ADCY4: variants seen among roughly 807,000 people sequenced by gnomAD.
ADCY4 encodes the protein adenylate cyclase 4.
In ADCY4, 111 loss-of-function variants were observed where a neutral mutation model predicts 125.5. That is an observed-to-expected ratio of 0.88 (90% CI 0.76 to 1.04). ADCY4 has a LOEUF of 1.04. ADCY4 is among the 50% of genes least tolerant of loss of function. The probability of loss-of-function intolerance (pLI) is 0.00; values close to 1 mark genes in which losing one functional copy is unlikely to be tolerated. For missense variants in ADCY4, 1,256 were observed against 1,382.9 expected (o/e 0.91, Z 1.46); for synonymous variants, 576 against 586.9 (o/e 0.98, Z 0.27).
intron 6 of ADCY4, 196 bp from the exon 7 acceptor site, chr14:24,330,491 A>T (rs1309717196): frequency 2.8e-6 from 2 of 710,438 alleles, no homozygotes; most frequent in Non-Finnish European, 4.4e-6. Flanking sequence ...TTCTCAGAAG[A>T]GTTTCCCCAA....
intron 17 of ADCY4, 123 bp from the exon 18 acceptor site, chr14:24,323,211 C>CCCAGTGTGTATCAGTGTGT: frequency 7.3e-7 from 1 of 1,373,452 alleles, no homozygotes; most frequent in Non-Finnish European, 1.0e-6. Context: ...GCATCATACA[C>CCCAGTGTGTATCAGTGTGT]ACTGATACAC....
At chr14:24,330,444 CTT>C in intron 6 of ADCY4, 149 bp from the exon 7 acceptor site, 2 of 1,049,288 alleles carry the variant, frequency 1.9e-6, no homozygotes, top group Non-Finnish European at 2.8e-6. Flanking sequence ...ACTCCTTTCA[CTT>C]GATATGGGGC....
Position 24,332,541 on chromosome 14 carries a change from C to G in ADCY4, c.500G>C (p.Arg167Pro). 6.4e-7 allele frequency: 1 copy of G among 1,570,354 alleles called. No individual in the cohort carries two copies. The highest frequency in any genetic ancestry group is 8.6e-7 in the Non-Finnish European group (1 of 1,157,900). Residue 167 changes from arginine to proline, a missense_variant, in exon 3 of 25, where the codon CGG becomes CCG. Physicochemically the swap from Arg to Pro is moderately radical, Grantham distance 103. Transcript: ENST00000418030. ...GCTCACCTGCGGCAGCAGTGCAGGC[C>G]GTGAGTCCGGCTGTGGCCCAAGATA... is the stretch of plus-strand genomic sequence containing the variant. ...GLYLGPQPDS[R>P]PALLPQLAAN...
In ADCY4 at chr14:24,319,488, C is replaced by G; in HGVS notation, c.2734-52G>C. On this transcript the variant is annotated intron_variant, in intron 21 of 24. Transcript: ENST00000418030. This position sits in a 1 kb window ranked among gnomAD's most constrained non-coding sequence, Gnocchi z 4.5. Reference sequence around the variant, plus strand: ...CAGTCTCTCTTACTCTCTCCATCACCTCTCCCAGAAGCCCAGCCCCAAGCC... The same window carrying G: ...CAGTCTCTCTTACTCTCTCCATCACGTCTCCCAGAAGCCCAGCCCCAAGCC... The G allele has an allele frequency of 6.4e-7, 1 of 1,570,470 alleles. No individual in the cohort carries two copies. Among genetic ancestry groups the G allele is most frequent in the Non-Finnish European group, 8.8e-7 (1 of 1,142,292 alleles).
chr14:24,328,861 G>T, intron 10 of ADCY4, 200 bp downstream of exon 10: 1 of 648,858 alleles, frequency 1.5e-6, no homozygotes, highest in Non-Finnish European at 2.6e-6. Context: ...AGGTGAGCTG[G>T]AGGGCTCTTT....
Position 24,331,039 on chromosome 14 carries a change from G to A in ADCY4, c.909C>T (p.Gly303=). The A allele has an allele frequency of 1.2e-6, 2 of 1,609,876 alleles. No homozygotes were observed. Among genetic ancestry groups the A allele is most frequent in the South Asian group, 1.1e-5 (1 of 90,924 alleles). ...ELVLMLNELF[G]KFDQIAKEHE... ...TGACCTTGGCAATCTGGTCGAACTT[G>A]CCAAAGAGCTCATTGAGCATGAGCA... The change falls in exon 6 of 25, where the codon GGC becomes GGT. Residue 303 remains glycine, a synonymous_variant. Transcript: ENST00000418030.
Position 24,332,567 on chromosome 14 carries a change from C to G in ADCY4, c.474G>C (p.Leu158=). 1 of 1,575,794 alleles carries G rather than the reference C, an allele frequency of 6.3e-7. No homozygotes were observed. The highest frequency in any genetic ancestry group is 8.6e-7 in the Non-Finnish European group (1 of 1,160,712). ...SSLSHLLVLG[L]YLGPQPDSRP... is the part of the protein sequence containing the mutation. ...GTGAGTCCGGCTGTGGCCCAAGATACAGCCCGAGGACCAGCAGATGCGAGA... is the reference window on the plus strand; with the variant it reads ...GTGAGTCCGGCTGTGGCCCAAGATAGAGCCCGAGGACCAGCAGATGCGAGA... Residue 158 remains leucine, a synonymous_variant, in exon 3 of 25, where the codon CTG becomes CTC. Coordinates refer to ENST00000418030, the MANE Select transcript of ADCY4 (RefSeq NM_001198568.2).
At chr14:24,330,432 G>C (rs1359153618) in intron 6 of ADCY4, 137 bp from the exon 7 acceptor site, 2 of 1,211,734 alleles carry the variant, frequency 1.7e-6, no homozygotes, top group Non-Finnish European at 2.3e-6. Context: ...TCAGATCTAG[G>C]GACTCCTTTC....
chr14:24,328,240 G>A (rs967557177), intron 10 of ADCY4, among the ~76,000 whole-genome samples: 1 of 140,312 alleles, frequency 7.1e-6, no homozygotes, highest in Admixed American at 7.1e-5. Context: ...GTGGGGGGGG[G>A]GGTCTCCCTT....
chr14:24,321,407 G>A (rs535631336), intron 20 of ADCY4, among the ~76,000 whole-genome samples: 2 of 151,372 alleles, frequency 1.3e-5, no homozygotes, highest in African/African-American at 2.4e-5. Flanking sequence ...CCTGAGCGAC[G>A]AGAGTGAAAC....
intron 10 of ADCY4, among the ~76,000 whole-genome samples, chr14:24,326,734 C>T (rs1018044497): frequency 2.0e-5 from 3 of 151,984 alleles, no homozygotes; most frequent in Admixed American, 1.3e-4. Context: ...GCTGGGATTA[C>T]AGGCATGTGC....
chr14:24,331,791 G>A lies in ADCY4; in HGVS notation c.666C>T (p.His222=). ...GACCTTCCTAGGCCCGGCTGACCTG[G>A]TGCTTCTTCTCGGTGTCCAGCCGCC... ...SRRRLDTEKK[H]QEHLLLSILP... The change falls in exon 4 of 25, where the codon CAC becomes CAT. Residue 222 remains histidine, a synonymous_variant. Coordinates refer to ENST00000418030, the MANE Select transcript of ADCY4 (RefSeq NM_001198568.2). 6.3e-7 allele frequency: 1 copy of A among 1,581,184 alleles called. No individual in the cohort carries two copies. The highest frequency in any genetic ancestry group is 8.6e-7 in the Non-Finnish European group (1 of 1,157,834).
rs1416063349 is a variant in ADCY4, at chr14:24,326,351, A to T, written c.1525-9T>A. The stretch of plus-strand genomic sequence containing the variant: ...GAAGCCAGGGTCTTCTCCTGTTGGG[A>T]GAGCACAGGGGGAGGTGGGCATGGT... On this transcript the variant is annotated splice_polypyrimidine_tract_variant and intron_variant, in intron 10 of 24. Transcript: ENST00000418030. 1.9e-6 allele frequency: 3 copies of T among 1,610,314 alleles called. No individual in the cohort carries two copies. The East Asian group carries it at 6.7e-5, about 36-fold the overall frequency.
intron 1 of ADCY4, among the ~76,000 whole-genome samples, 198 bp downstream of exon 1, chr14:24,334,296 G>A (rs530437044): frequency 6.6e-6 from 1 of 152,348 alleles, no homozygotes; most frequent in South Asian, 2.1e-4. Context: ...GAAGCATCCA[G>A]GACTCAGCTT....
intron 23 of ADCY4, 118 bp downstream of exon 23, chr14:24,318,980 A>G (rs1438127220): frequency 3.5e-6 from 5 of 1,411,988 alleles, no homozygotes; most frequent in Non-Finnish European, 4.9e-6. Flanking sequence ...CATCCCAGGG[A>G]GTGAGTCAGG....
At chr14:24,322,545 T>A in intron 19 of ADCY4, 79 bp downstream of exon 19, 1 of 1,476,774 alleles carries the variant, frequency 6.8e-7, no homozygotes, top group Non-Finnish European at 9.4e-7. Flanking sequence ...CATTCAACCC[T>A]GGAGATTAGA....
intron 20 of ADCY4, among the ~76,000 whole-genome samples, chr14:24,321,257 A>AT (rs56133120): frequency 0.72 from 108,079 of 150,776 alleles, 39,236 homozygotes; most frequent in Middle Eastern, 0.86. Context: ...CTAAAAAAAA[A>AT]AAATATAAAA....
At chr14:24,330,404 G>A in intron 6 of ADCY4, 109 bp from the exon 7 acceptor site, 3 of 1,503,686 alleles carry the variant, frequency 2.0e-6, no homozygotes, top group Non-Finnish European at 2.7e-6. Flanking sequence ...GAACTTCCAA[G>A]GTGGGGTAGT....
rs2139217842 is a variant in ADCY4, at chr14:24,329,450, G to T, written c.1301C>A (p.Pro434His). Residue 434 changes from proline to histidine, a missense_variant, in exon 9 of 25, where the codon CCC becomes CAC. Transcript: ENST00000418030. ...VEDAGMEHRDPYLRELGEPTY... is the reference protein window; with the variant it reads ...VEDAGMEHRDHYLRELGEPTY... Reference sequence around the variant, plus strand: ...AGGCTCCCCTAGCTCCCGAAGGTAGGGGTCCCGATGCTCCATGCCTGCGTC... The same window carrying T: ...AGGCTCCCCTAGCTCCCGAAGGTAGTGGTCCCGATGCTCCATGCCTGCGTC... 1 of 1,580,484 alleles carries T rather than the reference G, an allele frequency of 6.3e-7. No homozygotes were observed. Among genetic ancestry groups the T allele is most frequent in the Non-Finnish European group, 8.6e-7 (1 of 1,166,280 alleles).
Sources: allele counts gnomAD v4.1 joint callset (sites outside exome capture counted in the v4.1 genomes callset), GRCh38; gene constraint gnomAD v4.1.1; non-coding constraint Gnocchi (gnomAD v3.1); transcripts MANE v1.5; gene names NCBI Gene and HGNC (gene_info 2026-07-23, HGNC 2026-07-21).